Variants in SPAST observed in about 807,000 individuals in gnomAD.
SPAST encodes spastin.
A neutral mutation model predicts 76.6 loss-of-function variants in SPAST; 30 were observed. The ratio of observed to expected loss-of-function variants is 0.39; its 90% CI spans 0.29 to 0.53. The LOEUF is 0.53. SPAST is among the 20% of genes least tolerant of loss of function. The pLI is 0.68. For synonymous variants in SPAST, 305 were observed against 281.0 expected (o/e 1.09, Z -0.86); for missense variants, 717 against 770.5 (o/e 0.93, Z 0.82).
At chr2:32,120,225 A>G (rs1199870525) in intron 7 of SPAST, among the ~76,000 whole-genome samples, 1 of 152,078 alleles carries the variant, frequency 6.6e-6, no homozygotes, top group Non-Finnish European at 1.5e-5. Flanking sequence ...CTCTTTAAAT[A>G]ATCTTATAAA....
At chr2:32,069,514 TATC>T (rs758922251) in intron 1 of SPAST, among the ~76,000 whole-genome samples, 123 of 151,946 alleles carry the variant, frequency 8.1e-4, no homozygotes, top group Non-Finnish European at 4.0e-4. Context: ...GAGCTGGTAA[TATC>T]ATGCACTGCC....
intron 3 of SPAST, among the ~76,000 whole-genome samples, chr2:32,092,573 A>T (rs1255470535): frequency 6.6e-6 from 1 of 152,208 alleles, no homozygotes; most frequent in Non-Finnish European, 1.5e-5. Context: ...GAGAACAAAA[A>T]GAAGATATGT....
At chr2:32,136,153 G>A (rs575280020) in intron 9 of SPAST, among the ~76,000 whole-genome samples, 3 of 151,860 alleles carry the variant, frequency 2.0e-5, no homozygotes, top group East Asian at 3.9e-4. Flanking sequence ...TCTTAATAGC[G>A]CAAGTTTTGT....
rs541351237 is a variant in SPAST, at chr2:32,125,862, T to G, written c.1099-1086T>G. On this transcript the variant is annotated intron_variant, in intron 7 of 16. Coordinates refer to ENST00000315285, the MANE Select transcript of SPAST (RefSeq NM_014946.4). ...CGGGTTGGAGTGCAGTGGCGCAATCTTGGCTCAATACACGCTCCGCCTCCC... is the reference window on the plus strand; with the variant it reads ...CGGGTTGGAGTGCAGTGGCGCAATCGTGGCTCAATACACGCTCCGCCTCCC... 2.0e-5 allele frequency among the ~76,000 whole-genome samples: 3 copies of G among 152,226 alleles called. No homozygotes were observed. In the South Asian group the frequency reaches 6.2e-4, roughly 32 times the overall value.
At chr2:32,146,646 C>T (rs1320927672) in intron 15 of SPAST, among the ~76,000 whole-genome samples, 2 of 151,984 alleles carry the variant, frequency 1.3e-5, no homozygotes, top group African/African-American at 4.8e-5. Context: ...ATGGGTGGAT[C>T]ATGAGGTCAG....
chr2:32,073,851 A>G (rs967865838), intron 1 of SPAST, among the ~76,000 whole-genome samples: 2 of 152,212 alleles, frequency 1.3e-5, no homozygotes, highest in Admixed American at 1.3e-4. Context: ...AGGTTATTAA[A>G]TGTTTTACAG....
chr2:32,139,777 C>T (rs925406056), intron 12 of SPAST, among the ~76,000 whole-genome samples: 11 of 150,536 alleles, frequency 7.3e-5, no homozygotes, highest in African/African-American at 2.4e-4. Context: ...TGCAGTGAGC[C>T]GAGATCGTGC....
intron 16 of SPAST, among the ~76,000 whole-genome samples, chr2:32,148,991 A>G (rs1437959285): frequency 6.6e-6 from 1 of 151,938 alleles, no homozygotes; most frequent in African/African-American, 2.4e-5. Context: ...AAAAAATTAC[A>G]TGAAACTTGT....
chr2:32,082,749 A>G (rs1277959765), intron 1 of SPAST, among the ~76,000 whole-genome samples: 1 of 152,002 alleles, frequency 6.6e-6, no homozygotes, highest in Non-Finnish European at 1.5e-5. Flanking sequence ...TGCATGTCAT[A>G]TATAAATGGA....
At chr2:32,066,754 G>C (rs1676527691) in intron 1 of SPAST, among the ~76,000 whole-genome samples, 1 of 151,908 alleles carries the variant, frequency 6.6e-6, no homozygotes, top group South Asian at 2.1e-4. Flanking sequence ...TGGGTGGATT[G>C]CTTGAGCCCA....
intron 1 of SPAST, among the ~76,000 whole-genome samples, chr2:32,069,295 A>G (rs758798626): frequency 1.1e-4 from 16 of 151,598 alleles, no homozygotes; most frequent in Non-Finnish European, 2.2e-4. Context: ...GAGATTGAAT[A>G]TTTTTGTACT....
intron 1 of SPAST, among the ~76,000 whole-genome samples, chr2:32,068,757 G>A (rs937472129): frequency 2.0e-5 from 3 of 152,042 alleles, no homozygotes; most frequent in African/African-American, 7.3e-5. Context: ...AGCCGGATGT[G>A]GTGGCGGGTG....
chr2:32,145,460 C>CTG (rs1171496215), intron 15 of SPAST, among the ~76,000 whole-genome samples: 1 of 152,114 alleles, frequency 6.6e-6, no homozygotes, highest in Non-Finnish European at 1.5e-5. Context: ...ACTGTGACCC[C>CTG]TGTTCTAGGC....
chr2:32,070,669 G>T (rs1414200748), intron 1 of SPAST, among the ~76,000 whole-genome samples: 2 of 152,096 alleles, frequency 1.3e-5, no homozygotes, highest in Non-Finnish European at 2.9e-5. Flanking sequence ...TTGGTCTGTT[G>T]TTCAGGCTGG....
chr2:32,092,344 A>G (rs929471062), intron 3 of SPAST, among the ~76,000 whole-genome samples: 7 of 152,220 alleles, frequency 4.6e-5, no homozygotes, highest in Non-Finnish European at 1.0e-4. Flanking sequence ...GGTACTTTCT[A>G]CGTGTTTTAT....
intron 12 of SPAST, among the ~76,000 whole-genome samples, chr2:32,137,843 T>C (rs1679588989): frequency 6.6e-6 from 1 of 152,194 alleles, no homozygotes. Context: ...CCGCAGTGTG[T>C]ATTGTTCCCA....
At chr2:32,131,091 C>T (rs1218372822) in intron 9 of SPAST, among the ~76,000 whole-genome samples, 1 of 152,182 alleles carries the variant, frequency 6.6e-6, no homozygotes, top group Admixed American at 6.5e-5. Flanking sequence ...GTGTTGGACC[C>T]ATAGTTTTTG....
intron 9 of SPAST, among the ~76,000 whole-genome samples, chr2:32,131,297 T>C (rs1679362323): frequency 6.6e-6 from 1 of 152,228 alleles, no homozygotes; most frequent in African/African-American, 2.4e-5. Context: ...TTCCCCGTTA[T>C]TATTCTCCTA....
At position 32,128,489 on chromosome 2, in the gene SPAST, CTGTTTCCAATAT is replaced by C; in HGVS notation, c.1245+14_1245+25del. Reference sequence around the variant, plus strand: ...TTTAACTTCAAAATACGTGAGTGCTCTGTTTCCAATATTGTCGTATTTTAAGTTACTGTCTAA... The same window carrying C: ...TTTAACTTCAAAATACGTGAGTGCTCTGTCGTATTTTAAGTTACTGTCTAA... On this transcript the variant is annotated intron_variant, in intron 9 of 16. Coordinates refer to ENST00000315285, the MANE Select transcript of SPAST (RefSeq NM_014946.4). The C allele has an allele frequency of 6.4e-7, 1 of 1,559,058 alleles. No homozygotes were observed. Among genetic ancestry groups the C allele is most frequent in the Non-Finnish European group, 8.8e-7 (1 of 1,129,982 alleles).
Sources: gnomAD v4.1 joint callset for allele counts (sites outside exome capture counted in the v4.1 genomes callset) on GRCh38, gnomAD v4.1.1 for gene constraint, MANE v1.5 for transcripts, NCBI Gene and HGNC (gene_info 2026-07-23, HGNC 2026-07-21) for gene names.